Variants in CCDC181 observed in about 807,000 individuals in gnomAD.
CCDC181 encodes coiled-coil domain containing 181, also known as coiled-coil domain-containing protein 181.
Under a neutral mutation model 58.7 loss-of-function variants are expected in CCDC181, and 35 were observed. The ratio of observed to expected loss-of-function variants is 0.60; its 90% CI spans 0.46 to 0.79. The LOEUF is 0.79. Among genes scored for constraint, CCDC181 ranks in the 30% least tolerant of loss-of-function variants. The pLI, the probability that CCDC181 is intolerant of heterozygous loss-of-function variation, is 0.00. For missense variants in CCDC181, 517 were observed against 583.9 expected (o/e 0.89, Z 1.18); for synonymous variants, 183 against 197.5 (o/e 0.93, Z 0.62).
intron 4 of CCDC181, among the ~76,000 whole-genome samples, chr1:169,406,549 A>T (rs1655666499): frequency 6.6e-6 from 1 of 152,220 alleles, no homozygotes; most frequent in South Asian, 2.1e-4. Context: ...TCACAAGGAC[A>T]GAAAACCAAA....
chr1:169,405,236 G>A (rs1470487736), intron 4 of CCDC181, among the ~76,000 whole-genome samples: 2 of 152,120 alleles, frequency 1.3e-5, no homozygotes, highest in Non-Finnish European at 2.9e-5. Context: ...TACTGCCCAA[G>A]GTAATTTATA....
intron 2 of CCDC181, among the ~76,000 whole-genome samples, chr1:169,423,266 T>C (rs986225279): frequency 6.6e-6 from 1 of 151,906 alleles, no homozygotes; most frequent in Non-Finnish European, 1.5e-5. Context: ...CCCATTTAAA[T>C]GACTGCCAAA....
intron 2 of CCDC181, among the ~76,000 whole-genome samples, chr1:169,437,424 C>T (rs1447957562): frequency 6.6e-6 from 1 of 152,168 alleles, no homozygotes; most frequent in Non-Finnish European, 1.5e-5. Context: ...AAGGGATAAA[C>T]TATAAACTAA....
chr1:169,397,834 G>A (rs538298410), intron 4 of CCDC181, among the ~76,000 whole-genome samples: 4 of 152,240 alleles, frequency 2.6e-5, no homozygotes, highest in Admixed American at 2.0e-4. Context: ...GACAGATTTG[G>A]TACTCTTTAC....
At chr1:169,428,910 C>T (rs868043936), upstream of CCDC181, among the ~76,000 whole-genome samples, 73 of 152,160 alleles carry the variant, frequency 4.8e-4, no homozygotes, top group African/African-American at 1.6e-3. Context: ...CCACCTGGGC[C>T]TCTTAACCAA....
At chr1:169,404,429 A>G (rs905685824) in intron 4 of CCDC181, among the ~76,000 whole-genome samples, 38 of 152,310 alleles carry the variant, frequency 2.5e-4, no homozygotes, top group African/African-American at 8.7e-4. Context: ...CTGGCAAACC[A>G]AATCCAGCAG....
chr1:169,405,637 G>A (rs568569048), intron 4 of CCDC181, among the ~76,000 whole-genome samples: 130 of 152,052 alleles, frequency 8.5e-4, no homozygotes, highest in Non-Finnish European at 1.3e-3. Context: ...CCTTCCTTAC[G>A]CCTTATACAA....
rs140332977 is a variant in CCDC181 at position 169,401,857 on chromosome 1, G to A, written c.1216-4466C>T. The stretch of plus-strand genomic sequence containing the variant: ...ACAATCGGTAATAACAAACTTCTCC[G>A]AGCTAAAGAAGGATGTTTGAACCCA... On this transcript the variant is annotated intron_variant, in intron 4 of 5. Transcript: ENST00000367806. Among the ~76,000 whole-genome samples the A allele has an allele frequency of 5.4e-4, 82 of 152,244 alleles. 1 individual carries two copies. In the East Asian group the frequency reaches 0.013, roughly 24 times the overall value.
rs866068598 is a variant in CCDC181, at chr1:169,423,077, A to T, written c.118-764T>A. 1.8e-3 allele frequency among the ~76,000 whole-genome samples: 269 copies of T among 147,738 alleles called. 1 individual carries two copies. The highest frequency in any genetic ancestry group is 7.1e-3 in the Middle Eastern group (2 of 280). Reference sequence around the variant, plus strand: ...ATATAAATATTTTATATATATATATATTTTTTCTCTTTGTCAAAGTTCTCT... The same window carrying T: ...ATATAAATATTTTATATATATATATTTTTTTTCTCTTTGTCAAAGTTCTCT... On this transcript the variant is annotated intron_variant, in intron 2 of 5. Transcript: ENST00000367806.
At chr1:169,450,157 A>C (rs1657495661) in intron 2 of CCDC181, among the ~76,000 whole-genome samples, 1 of 152,182 alleles carries the variant, frequency 6.6e-6, no homozygotes, top group Admixed American at 6.5e-5. Context: ...CCATCCCAGT[A>C]GGTGAAACAG....
At chr1:169,452,160 C>T (rs1657559904) in intron 2 of CCDC181, among the ~76,000 whole-genome samples, 1 of 151,332 alleles carries the variant, frequency 6.6e-6, no homozygotes, top group Non-Finnish European at 1.5e-5. Context: ...TTAGGTTACA[C>T]TTAAGTTTAG....
chr1:169,448,683 G>C (rs1349753998), intron 2 of CCDC181, among the ~76,000 whole-genome samples: 2 of 152,044 alleles, frequency 1.3e-5, no homozygotes, highest in East Asian at 3.9e-4. Context: ...TGAGCTTTCT[G>C]GATCTGTTGT....
intron 2 of CCDC181, among the ~76,000 whole-genome samples, chr1:169,424,522 T>C (rs765894715): frequency 1.3e-4 from 19 of 151,720 alleles, no homozygotes; most frequent in Admixed American, 1.3e-4. Context: ...AATCATGATT[T>C]TACTATTTAT....
chr1:169,406,910 C>T (rs144185198), intron 4 of CCDC181, among the ~76,000 whole-genome samples: 46 of 151,680 alleles, frequency 3.0e-4, no homozygotes, highest in African/African-American at 1.0e-3. Context: ...GTACTGATGC[C>T]TCAAGATGGA....
chr1:169,450,695 C>T (rs926541313), intron 2 of CCDC181, among the ~76,000 whole-genome samples: 4 of 152,174 alleles, frequency 2.6e-5, no homozygotes, highest in South Asian at 2.1e-4. Flanking sequence ...TTGGTTTGTA[C>T]GTAATTTTTA....
At chr1:169,409,868 C>A (rs918758430) in intron 4 of CCDC181, among the ~76,000 whole-genome samples, 5 of 152,132 alleles carry the variant, frequency 3.3e-5, no homozygotes, top group African/African-American at 1.2e-4. Context: ...GCCTGCCTTA[C>A]AAGAGCTCCT....
intron 4 of CCDC181, among the ~76,000 whole-genome samples, chr1:169,417,017 C>G (rs1051538685): frequency 6.6e-6 from 1 of 152,074 alleles, no homozygotes; most frequent in Non-Finnish European, 1.5e-5. Context: ...CAGAATAATA[C>G]ACACGCTATA....
chr1:169,455,874 T>G (rs1383652470), intron 2 of CCDC181, among the ~76,000 whole-genome samples: 1 of 152,164 alleles, frequency 6.6e-6, no homozygotes, highest in Non-Finnish European at 1.5e-5. Flanking sequence ...ATATGTGTTT[T>G]TAGAGCTATT....
chr1:169,430,361 A>T (rs1287266036), upstream of CCDC181, among the ~76,000 whole-genome samples: 1 of 151,990 alleles, frequency 6.6e-6, no homozygotes, highest in East Asian at 1.9e-4. Context: ...AATTGCATTG[A>T]GTTTGTAGAC....
Sources: gnomAD v4.1 joint callset for allele counts (sites outside exome capture counted in the v4.1 genomes callset) on GRCh38, gnomAD v4.1.1 for gene constraint, MANE v1.5 for transcripts, NCBI Gene and HGNC (gene_info 2026-07-23, HGNC 2026-07-21) for gene names.